FOXN3: variants seen among roughly 807,000 people sequenced by gnomAD.
FOXN3 encodes the protein forkhead box N3.
In FOXN3, 7 loss-of-function variants were observed where a neutral mutation model predicts 38.4. That is an observed-to-expected ratio of 0.18 (90% CI 0.10 to 0.34). FOXN3 has a LOEUF of 0.34. Among genes scored for constraint, FOXN3 ranks in the 10% least tolerant of loss-of-function variants. FOXN3 has a pLI of 1.00. For missense variants in FOXN3, 456 were observed against 613.4 expected, an observed-to-expected ratio of 0.74 and a Z score of 2.71; for synonymous variants, 230 against 242.2, an observed-to-expected ratio of 0.95 and a Z score of 0.47.
At chr14:89,460,612 G>A (rs780659279) in intron 1 of FOXN3, among the ~76,000 whole-genome samples, 8 of 151,974 alleles carry the variant, frequency 5.3e-5, no homozygotes, top group East Asian at 1.9e-4. Context: ...TCCAAAGGAT[G>A]GAACATGGAG....
chr14:89,417,238 AG>A (rs1891768949), upstream of FOXN3: 1 of 144,720 alleles, frequency 6.9e-6, no homozygotes, highest in South Asian at 2.2e-4. Context: ...ACACATGACC[AG>A]GCAGGAGGAG....
At chr14:89,247,119 C>T (rs984018276) in intron 4 of FOXN3, among the ~76,000 whole-genome samples, 4 of 152,110 alleles carry the variant, frequency 2.6e-5, no homozygotes, top group African/African-American at 7.2e-5. Context: ...TCTGAACACC[C>T]GTCCGTCCAT....
intron 3 of FOXN3, among the ~76,000 whole-genome samples, chr14:89,298,842 G>C (rs752050811): frequency 1.1e-4 from 16 of 152,202 alleles, no homozygotes; most frequent in South Asian, 6.2e-4. Flanking sequence ...TGGATGTCTT[G>C]GTTACTACAC....
intron 1 of FOXN3, among the ~76,000 whole-genome samples, chr14:89,546,114 T>C (rs1006478155): frequency 2.0e-5 from 3 of 152,142 alleles, no homozygotes; most frequent in African/African-American, 7.2e-5. Context: ...TGCTATCTGA[T>C]CAAACTGTTA....
intron 3 of FOXN3, among the ~76,000 whole-genome samples, chr14:89,323,556 T>C (rs1416147568): frequency 2.0e-5 from 3 of 151,146 alleles, no homozygotes; most frequent in African/African-American, 7.3e-5. Context: ...CCGTCTCTAC[T>C]AAAAATACAA....
At chr14:89,224,688 A>G (rs1366413565) in intron 4 of FOXN3, among the ~76,000 whole-genome samples, 1 of 152,220 alleles carries the variant, frequency 6.6e-6, no homozygotes, top group Non-Finnish European at 1.5e-5. Context: ...ACAATCAACT[A>G]AGGAAGACAA....
intron 2 of FOXN3, among the ~76,000 whole-genome samples, chr14:89,353,185 T>G (rs566234311): frequency 6.6e-6 from 1 of 152,240 alleles, no homozygotes; most frequent in Admixed American, 6.5e-5. Context: ...GAAGTCTTGC[T>G]TCCTCACTGG....
intron 1 of FOXN3, among the ~76,000 whole-genome samples, chr14:89,498,205 TC>T (rs1222075829): frequency 7.5e-6 from 1 of 132,868 alleles, no homozygotes; most frequent in African/African-American, 3.0e-5. Context: ...TCTCTCTCTC[TC>T]TCTCTTTTTT....
intron 1 of FOXN3, among the ~76,000 whole-genome samples, chr14:89,448,854 A>G (rs938086359): frequency 1.3e-5 from 2 of 151,836 alleles, no homozygotes; most frequent in African/African-American, 4.8e-5. Context: ...AGGTGGGAGG[A>G]CCAATTGAGC....
chr14:89,616,313 T>C (rs1482666703), intron 1 of FOXN3, among the ~76,000 whole-genome samples: 1 of 152,018 alleles, frequency 6.6e-6, no homozygotes, highest in Non-Finnish European at 1.5e-5. Context: ...ACTGGGAACG[T>C]CTCAATTATC....
chr14:89,448,286 C>G (rs547724133), intron 1 of FOXN3, among the ~76,000 whole-genome samples: 83 of 152,276 alleles, frequency 5.5e-4, no homozygotes, highest in African/African-American at 1.9e-3. Flanking sequence ...CCCACGCCCA[C>G]ACACACAGGT....
chr14:89,468,972 AGTGAACGT>A (rs1423844818), intron 1 of FOXN3, among the ~76,000 whole-genome samples: 2 of 152,326 alleles, frequency 1.3e-5, no homozygotes, highest in African/African-American at 4.8e-5. Flanking sequence ...ACAAAAGCCA[AGTGAACGT>A]GCCTTTTCCC....
rs1299408142 is a variant in FOXN3 at position 89,442,029 on chromosome 14, C to A, written c.-14-29539G>T. ...GCAACCTCCGCCTCCCAGGTTCAAG[C>A]GATTTTCCTGCCTCAGCCTCCCAAG... On this transcript the variant is annotated intron_variant, in intron 1 of 6. Coordinates refer to the FOXN3 transcript ENST00000345097. 2.0e-5 allele frequency among the ~76,000 whole-genome samples: 3 copies of A among 150,400 alleles called. No individual in the cohort carries two copies. The East Asian group carries it at 5.9e-4, about 29-fold the overall frequency.
At chr14:89,542,580 C>G (rs961854696) in intron 1 of FOXN3, among the ~76,000 whole-genome samples, 2 of 152,224 alleles carry the variant, frequency 1.3e-5, no homozygotes, top group East Asian at 1.9e-4. Flanking sequence ...TACCAAACCA[C>G]AAACTACTTT....
chr14:89,587,255 C>A (rs921128157), intron 1 of FOXN3, among the ~76,000 whole-genome samples: 1 of 152,242 alleles, frequency 6.6e-6, no homozygotes, highest in African/African-American at 2.4e-5. Flanking sequence ...CTTTATTCAA[C>A]GACTGCCAAT....
At chr14:89,528,492 G>A (rs1306496426) in intron 1 of FOXN3, among the ~76,000 whole-genome samples, 1 of 146,374 alleles carries the variant, frequency 6.8e-6, no homozygotes, top group Non-Finnish European at 1.5e-5. Flanking sequence ...CGCCTCCCGG[G>A]TTCAAGCAAT....
intron 2 of FOXN3, among the ~76,000 whole-genome samples, chr14:89,380,122 G>A (rs560720272): frequency 3.9e-5 from 6 of 152,278 alleles, no homozygotes; most frequent in South Asian, 2.1e-4. Flanking sequence ...CCCACATGTC[G>A]GGGGAGGGAC....
chr14:89,381,556 G>C (rs889064279), intron 2 of FOXN3, among the ~76,000 whole-genome samples: 3 of 93,254 alleles, frequency 3.2e-5, no homozygotes. Context: ...AAAAAAAAAG[G>C]TTTGCTTAAG....
At chr14:89,208,215 A>G (rs1888435206) in intron 4 of FOXN3, among the ~76,000 whole-genome samples, 1 of 152,200 alleles carries the variant, frequency 6.6e-6, no homozygotes, top group African/African-American at 2.4e-5. Context: ...GGGAAGTACA[A>G]AAAAAGGCGG....
Sources: gnomAD v4.1 joint callset for allele counts (sites outside exome capture counted in the v4.1 genomes callset) on GRCh38, gnomAD v4.1.1 for gene constraint, MANE v1.5 for transcripts, NCBI Gene and HGNC (gene_info 2026-07-23, HGNC 2026-07-21) for gene names.